Variants in EXTL3 observed in about 807,000 individuals in gnomAD.
EXTL3 encodes the protein exostosin-like 3.
EXTL3 carries 27 observed loss-of-function variants against 69.3 expected under a neutral mutation model. That is an observed-to-expected ratio of 0.39 (90% CI 0.29 to 0.54). EXTL3 has a LOEUF of 0.54. Among genes scored for constraint, EXTL3 ranks in the 20% least tolerant of loss-of-function variants. The probability of loss-of-function intolerance (pLI) is 0.69; values close to 1 mark genes in which losing one functional copy is unlikely to be tolerated. For synonymous variants in EXTL3, 511 were observed against 499.4 expected (o/e 1.02, Z -0.31); for missense variants, 1,003 against 1,231.8 (o/e 0.81, Z 2.78).
intron 1 of EXTL3, among the ~76,000 whole-genome samples, chr8:28,712,383 T>C (rs147882148): frequency 0.012 from 1,804 of 152,168 alleles, 41 homozygotes; most frequent in African/African-American, 0.041. Context: ...GCCTGACTCA[T>C]GTTTCACGAT....
At chr8:28,691,926 A>T (rs1386295778) in intron 1 of EXTL3, among the ~76,000 whole-genome samples, 1 of 152,092 alleles carries the variant, frequency 6.6e-6, no homozygotes, top group Non-Finnish European at 1.5e-5. Flanking sequence ...GATATTTATT[A>T]TTTAATTAAT....
chr8:28,744,970 AAATAAT>A (rs537049571), intron 6 of EXTL3, among the ~76,000 whole-genome samples: 4 of 152,226 alleles, frequency 2.6e-5, no homozygotes, highest in East Asian at 1.9e-4. Context: ...CTCAAAAAGA[AAATAAT>A]AATAATAATA....
intron 1 of EXTL3, among the ~76,000 whole-genome samples, chr8:28,706,002 A>G (rs1277654817): frequency 6.6e-6 from 1 of 152,214 alleles, no homozygotes; most frequent in African/African-American, 2.4e-5. Flanking sequence ...GTTATACTGC[A>G]TATATGGCTT....
chr8:28,716,192 C>G lies in EXTL3; in HGVS notation c.133C>G (p.Leu45Val). ...TLFVILVFFP[L>V]IAHYYLTTLD... The stretch of plus-strand genomic sequence containing the variant: ...CTTTGTCATCCTGGTCTTCTTCCCG[C>G]TCATCGCCCACTATTACCTCACCAC... The change falls in exon 3 of 7, where the codon CTC (leucine) becomes GTC (valine). Residue 45 changes from leucine (L) to valine (V), a missense_variant. Leu to Val is a conservative substitution (Grantham distance 32). Around this residue, in one of 2 missense-constraint regions of EXTL3, gnomAD observed 742 missense variants for 815.4 expected, o/e 0.91. Transcript: ENST00000220562. This position sits in a 1 kb window ranked among gnomAD's most constrained non-coding sequence, Gnocchi z 7.1. 1 of 1,614,226 alleles carries G rather than the reference C, an allele frequency of 6.2e-7. No homozygotes were observed. Among genetic ancestry groups the G allele is most frequent in the Non-Finnish European group, 8.5e-7 (1 of 1,180,048 alleles).
At chr8:28,727,352 A>G (rs1385729235) in intron 3 of EXTL3, among the ~76,000 whole-genome samples, 2 of 152,172 alleles carry the variant, frequency 1.3e-5, no homozygotes, top group African/African-American at 4.8e-5. Flanking sequence ...CTTGATATCT[A>G]AGTAATGGAC....
chr8:28,746,597 T>C (rs1375889451), intron 6 of EXTL3, among the ~76,000 whole-genome samples: 2 of 152,234 alleles, frequency 1.3e-5, no homozygotes, highest in Non-Finnish European at 2.9e-5. Context: ...AGTTGCTTCA[T>C]TCTTTTTAAA....
intron 1 of EXTL3, among the ~76,000 whole-genome samples, chr8:28,669,142 G>A (rs1807245740): frequency 6.6e-6 from 1 of 152,164 alleles, no homozygotes; most frequent in Non-Finnish European, 1.5e-5. Context: ...GGGATTACAG[G>A]CATAAGTCAC....
At chr8:28,641,719 C>T (rs1382781445) in intron 1 of EXTL3, among the ~76,000 whole-genome samples, 1 of 152,104 alleles carries the variant, frequency 6.6e-6, no homozygotes, top group East Asian at 1.9e-4. Context: ...GTGATCCACC[C>T]CCTCCCCGAC....
intron 1 of EXTL3, among the ~76,000 whole-genome samples, chr8:28,687,901 A>G (rs1039242956): frequency 1.3e-5 from 2 of 152,140 alleles, no homozygotes; most frequent in Non-Finnish European, 2.9e-5. Context: ...GAATTTAGGA[A>G]GTTGCTGGTT....
At chr8:28,738,726 C>T (rs62504328) in intron 5 of EXTL3, among the ~76,000 whole-genome samples, 6,280 of 152,344 alleles carry the variant, frequency 0.041, 244 homozygotes, top group Non-Finnish European at 0.059. Context: ...TTCCCCACAT[C>T]TGTGCTTTGG....
chr8:28,646,448 A>G (rs942589047), intron 1 of EXTL3, among the ~76,000 whole-genome samples: 1 of 152,078 alleles, frequency 6.6e-6, no homozygotes, highest in South Asian at 2.1e-4. Context: ...ACCTTGGCAT[A>G]TTTACTTTTC....
At chr8:28,704,932 G>A (rs1295580036) in intron 1 of EXTL3, among the ~76,000 whole-genome samples, 1 of 152,220 alleles carries the variant, frequency 6.6e-6, no homozygotes, top group African/African-American at 2.4e-5. Context: ...TGGGATATAG[G>A]CTTGAGCCGC....
At chr8:28,659,430 T>C (rs1365521884) in intron 1 of EXTL3, among the ~76,000 whole-genome samples, 1 of 152,202 alleles carries the variant, frequency 6.6e-6, no homozygotes, top group African/African-American at 2.4e-5. Context: ...TAAACTTGAA[T>C]GACAAGAGGA....
At chr8:28,732,370 T>TG (rs1801554665) in intron 4 of EXTL3, among the ~76,000 whole-genome samples, 1 of 152,198 alleles carries the variant, frequency 6.6e-6, no homozygotes, top group South Asian at 2.1e-4. Context: ...TTATTTTTCT[T>TG]GCAGTTCTTT....
chr8:28,620,594 C>T (rs186306382), upstream of EXTL3, among the ~76,000 whole-genome samples: 5 of 152,360 alleles, frequency 3.3e-5, no homozygotes, highest in African/African-American at 1.2e-4. Flanking sequence ...GGCCTCTAGG[C>T]TGTCTTAGCT....
intron 6 of EXTL3, among the ~76,000 whole-genome samples, chr8:28,744,837 C>T (rs1563225332): frequency 6.6e-6 from 1 of 151,394 alleles, no homozygotes; most frequent in Non-Finnish European, 1.5e-5. Context: ...GTAGCATGCG[C>T]CTGTAATCCC....
chr8:28,611,988 C>T lies in EXTL3; in HGVS notation n.314+4230C>T, dbSNP rs935027747. Among the ~76,000 whole-genome samples, 8 of 152,282 alleles carry T rather than the reference C, an allele frequency of 5.3e-5. No homozygotes were observed. The East Asian group carries it at 5.8e-4, about 11-fold the overall frequency. On this transcript the variant is annotated intron_variant and non_coding_transcript_variant, in intron 2 of 4. Transcript: ENST00000522725. ...GAGAAAAGGGCTCTTTCTTCACTGACGTGTGCCCGCCTGGATCCAGAACGG... is the reference window on the plus strand; with the variant it reads ...GAGAAAAGGGCTCTTTCTTCACTGATGTGTGCCCGCCTGGATCCAGAACGG...
chr8:28,616,818 G>C (rs934520391), intron 2 of EXTL3, among the ~76,000 whole-genome samples: 3 of 152,186 alleles, frequency 2.0e-5, no homozygotes, highest in Admixed American at 2.0e-4. Flanking sequence ...ACAGCACCTG[G>C]AGACTCCTCT....
At chr8:28,680,403 AAAC>A (rs1178446354) in intron 1 of EXTL3, among the ~76,000 whole-genome samples, 3 of 151,722 alleles carry the variant, frequency 2.0e-5, no homozygotes, top group Non-Finnish European at 4.4e-5. Flanking sequence ...AAAAAAAAAA[AAAC>A]AGCATACTAT....
Sources: allele counts gnomAD v4.1 joint callset (sites outside exome capture counted in the v4.1 genomes callset), GRCh38; gene constraint gnomAD v4.1.1; regional missense constraint gnomAD v4.1.1; non-coding constraint Gnocchi (gnomAD v3.1); transcripts MANE v1.5; gene names NCBI Gene and HGNC (gene_info 2026-07-23, HGNC 2026-07-21).